CDH13: variants seen among roughly 807,000 people sequenced by gnomAD.
CDH13 encodes the protein cadherin 13.
A neutral mutation model predicts 63.8 loss-of-function variants in CDH13; 24 were observed. The ratio of observed to expected loss-of-function variants is 0.38; its 90% CI spans 0.27 to 0.53. CDH13 has a LOEUF of 0.53. CDH13 is among the 20% of genes least tolerant of loss of function. CDH13 has a pLI of 0.85. For synonymous variants in CDH13, 503 were observed against 355.3 expected (o/e 1.42, Z -4.67); for missense variants, 1,049 against 903.1 (o/e 1.16, Z -2.07).
intron 5 of CDH13, among the ~76,000 whole-genome samples, chr16:83,285,295 A>T (rs142019552): frequency 6.6e-6 from 1 of 152,094 alleles, no homozygotes; most frequent in Non-Finnish European, 1.5e-5. Flanking sequence ...GTCCTAGTCA[A>T]TTTCTCCTTG....
intron 6 of CDH13, among the ~76,000 whole-genome samples, chr16:83,369,309 GT>G (rs898153412): frequency 4.6e-4 from 70 of 150,970 alleles, no homozygotes; most frequent in Non-Finnish European, 8.0e-4. Flanking sequence ...CAAGTCACCT[GT>G]TTTTTTTTCC....
chr16:83,214,228 G>A (rs759835861), intron 4 of CDH13, among the ~76,000 whole-genome samples: 2 of 151,964 alleles, frequency 1.3e-5, no homozygotes, highest in African/African-American at 4.8e-5. Flanking sequence ...CCCTTCCCAC[G>A]CAGGGAGCTG....
chr16:83,439,361 T>C (rs145758203), intron 6 of CDH13, among the ~76,000 whole-genome samples: 91 of 152,328 alleles, frequency 6.0e-4, no homozygotes, highest in African/African-American at 2.1e-3. Flanking sequence ...TGATTGCTCA[T>C]TGCAATGGGA....
intron 2 of CDH13, among the ~76,000 whole-genome samples, chr16:82,963,030 A>G (rs1240643166): frequency 6.6e-6 from 1 of 152,156 alleles, no homozygotes; most frequent in African/African-American, 2.4e-5. Context: ...TTTTCTAGTA[A>G]CACCTAAAAC....
rs1166959322 is a variant in CDH13, at chr16:83,783,273, C to T, written c.1935C>T (p.Ser645=). The T allele has an allele frequency of 1.9e-6, 3 of 1,613,660 alleles. No homozygotes were observed. The African/African-American group carries it at 4.0e-5, about 22-fold the overall frequency. Residue 645 remains serine (S), a synonymous_variant, in exon 13 of 14, where the codon AGC becomes AGT. Coordinates refer to ENST00000567109, the MANE Select transcript of CDH13 (RefSeq NM_001257.5). The stretch of plus-strand genomic sequence containing the variant: ...TTACAGATACACACGCCCTGGTAAG[C>T]CTTCTTCAAAATCTGAACAAAGCAA... The part of the protein sequence containing the change: ...SKINNTHALV[S]LLQNLNKANY...
chr16:83,312,247 G>C (rs544905973), intron 5 of CDH13, among the ~76,000 whole-genome samples: 1 of 152,084 alleles, frequency 6.6e-6, no homozygotes, highest in Non-Finnish European at 1.5e-5. Flanking sequence ...ATACAGATGC[G>C]GACCAGCTCA....
chr16:83,424,115 G>A (rs141807397), intron 6 of CDH13, among the ~76,000 whole-genome samples: 9 of 151,768 alleles, frequency 5.9e-5, no homozygotes, highest in African/African-American at 9.6e-5. Flanking sequence ...AATCCAAAAC[G>A]TACTGAACAG....
intron 1 of CDH13, among the ~76,000 whole-genome samples, chr16:82,794,823 G>A (rs954071093): frequency 3.3e-5 from 5 of 152,134 alleles, no homozygotes; most frequent in Non-Finnish European, 7.4e-5. Flanking sequence ...GTTCCTTGGA[G>A]GCTGATTCTT....
At chr16:83,745,920 C>A (rs747297686) in intron 10 of CDH13, among the ~76,000 whole-genome samples, 1 of 152,140 alleles carries the variant, frequency 6.6e-6, no homozygotes, top group Non-Finnish European at 1.5e-5. Context: ...TGCTGACCAC[C>A]CACCCTGAGT....
chr16:82,710,013 G>A (rs1021984208), intron 1 of CDH13, among the ~76,000 whole-genome samples: 2 of 151,206 alleles, frequency 1.3e-5, no homozygotes, highest in African/African-American at 4.9e-5. Context: ...GGGTTAGGAT[G>A]GGCTGACAAA....
At chr16:82,984,696 TA>T (rs1311889654) in intron 2 of CDH13, among the ~76,000 whole-genome samples, 2 of 152,208 alleles carry the variant, frequency 1.3e-5, no homozygotes, top group African/African-American at 4.8e-5. Flanking sequence ...AGAGGTCACA[TA>T]ACTTGCTAAG....
At chr16:83,566,512 A>G (rs1904281817) in intron 7 of CDH13, among the ~76,000 whole-genome samples, 1 of 151,802 alleles carries the variant, frequency 6.6e-6, no homozygotes, top group South Asian at 2.1e-4. Flanking sequence ...CCCCACCTCC[A>G]TTCTCCATTC....
chr16:82,853,858 C>A (rs1044724381), intron 1 of CDH13, among the ~76,000 whole-genome samples: 1 of 152,046 alleles, frequency 6.6e-6, no homozygotes, highest in Admixed American at 6.5e-5. Context: ...AGCATATATT[C>A]TAGAAAATTT....
At chr16:82,943,558 C>G (rs549770002) in intron 2 of CDH13, among the ~76,000 whole-genome samples, 1 of 152,280 alleles carries the variant, frequency 6.6e-6, no homozygotes, top group Admixed American at 6.5e-5. Flanking sequence ...ATAAGAGGCT[C>G]TGACTGATGA....
intron 2 of CDH13, among the ~76,000 whole-genome samples, chr16:82,903,595 T>C (rs984491888): frequency 6.6e-6 from 1 of 152,256 alleles, no homozygotes; most frequent in Admixed American, 6.5e-5. Flanking sequence ...TCTGGTGTTT[T>C]AGTCGTGAGC....
intron 8 of CDH13, among the ~76,000 whole-genome samples, chr16:83,626,000 C>T (rs138466384): frequency 4.7e-4 from 71 of 150,304 alleles, no homozygotes; most frequent in Non-Finnish European, 8.9e-4. Context: ...CGTGAGGAAA[C>T]AAGCTTGCTT....
chr16:83,294,373 A>G (rs994201369), intron 5 of CDH13, among the ~76,000 whole-genome samples: 13 of 152,080 alleles, frequency 8.5e-5, no homozygotes, highest in Non-Finnish European at 1.6e-4. Flanking sequence ...CTTTTGGCCA[A>G]CATCTCCCTA....
chr16:83,177,265 C>T (rs1409651124), intron 4 of CDH13, among the ~76,000 whole-genome samples: 1 of 152,314 alleles, frequency 6.6e-6, no homozygotes, highest in Non-Finnish European at 1.5e-5. Flanking sequence ...TAACATTGCT[C>T]ATGCTCAGCT....
intron 1 of CDH13, among the ~76,000 whole-genome samples, chr16:82,771,192 G>A (rs965391564): frequency 3.9e-5 from 6 of 152,048 alleles, no homozygotes; most frequent in Admixed American, 2.0e-4. Flanking sequence ...AGAATATTTA[G>A]CTCTTCCTTT....
Sources: allele counts gnomAD v4.1 joint callset (sites outside exome capture counted in the v4.1 genomes callset), GRCh38; gene constraint gnomAD v4.1.1; transcripts MANE v1.5; gene names NCBI Gene and HGNC (gene_info 2026-07-23, HGNC 2026-07-21).